EGFR: variants seen among roughly 807,000 people sequenced by gnomAD.
EGFR encodes the protein epidermal growth factor receptor.
EGFR carries 58 observed loss-of-function variants against 143.0 expected under a neutral mutation model. The ratio of observed to expected loss-of-function variants is 0.41; its 90% CI spans 0.33 to 0.50. The LOEUF is 0.50. Ranked by LOEUF, EGFR falls within the 20% of genes least tolerant of loss-of-function variation. The pLI is 0.39. For missense variants in EGFR, 1,307 were observed against 1,579.0 expected (o/e 0.83, Z 2.92); for synonymous variants, 613 against 594.4 (o/e 1.03, Z -0.45).
At chr7:55,158,685 T>G (rs1461300026) in intron 11 of EGFR, among the ~76,000 whole-genome samples, 1 of 152,204 alleles carries the variant, frequency 6.6e-6, no homozygotes, top group Non-Finnish European at 1.5e-5. Context: ...CTTTTCACAT[T>G]TAATGAGAAG....
In EGFR at chr7:55,060,200, C is replaced by A. The variant is rs552937488; in HGVS notation, c.88+40835C>A. On this transcript the variant is annotated intron_variant, in intron 1 of 27. Coordinates refer to ENST00000275493, the MANE Select transcript of EGFR (RefSeq NM_005228.5). ...GTACAGTTTTATATGCATTTAACTG[C>A]CAAATTGTCATGTGAGATTATATGG... 4.7e-3 allele frequency among the ~76,000 whole-genome samples: 720 copies of A among 152,338 alleles called. 2 individuals carry two copies. The highest frequency in any genetic ancestry group is 8.6e-3 in the Non-Finnish European group (586 of 68,036).
chr7:55,143,490 TGA>T lies in EGFR; in HGVS notation c.424+6_424+7del, dbSNP rs764128212. 6.2e-7 allele frequency: 1 copy of T among 1,614,114 alleles called. No individual in the cohort carries two copies. The highest frequency in any genetic ancestry group is 1.1e-5 in the South Asian group (1 of 91,080). ...AGCTGCCCATGAGAAATTTACAGGG[TGA>T]GAGGCTGGGATGCCAAGGCTGGGGG... On this transcript the variant is annotated splice_donor_region_variant and intron_variant, in intron 3 of 27. Transcript: ENST00000275493.
intron 1 of EGFR, among the ~76,000 whole-genome samples, chr7:55,101,015 G>A (rs1431737794): frequency 6.6e-6 from 1 of 152,204 alleles, no homozygotes; most frequent in Non-Finnish European, 1.5e-5. Context: ...TTCTCCTCGT[G>A]CTGGCCTTGG....
chr7:55,095,858 G>A (rs922371151), intron 1 of EGFR, among the ~76,000 whole-genome samples: 2 of 148,938 alleles, frequency 1.3e-5, no homozygotes, highest in African/African-American at 5.0e-5. Context: ...CAGACACACA[G>A]AGACATACCT....
At chr7:55,036,275 G>T (rs865799978) in intron 1 of EGFR, among the ~76,000 whole-genome samples, 1,389 of 93,970 alleles carry the variant, frequency 0.015, 127 homozygotes, top group African/African-American at 0.051. Context: ...TGTGTGTGGG[G>T]GGGGGGGGGT....
At chr7:55,125,415 GAGA>G (rs34828355) in intron 1 of EGFR, among the ~76,000 whole-genome samples, 73,475 of 151,802 alleles carry the variant, frequency 0.48, 18,487 homozygotes, top group East Asian at 0.69. Flanking sequence ...ATCTCAGTTA[GAGA>G]AGAAGAGTCA....
At chr7:55,122,292 C>A (rs1309273584) in intron 1 of EGFR, among the ~76,000 whole-genome samples, 1 of 152,216 alleles carries the variant, frequency 6.6e-6, no homozygotes, top group Non-Finnish European at 1.5e-5. Context: ...GTCTCACTCC[C>A]TCTTTTTGTC....
intron 1 of EGFR, among the ~76,000 whole-genome samples, chr7:55,095,651 C>T (rs1391411488): frequency 6.6e-6 from 1 of 152,024 alleles, no homozygotes; most frequent in Non-Finnish European, 1.5e-5. Context: ...CACAGAGTTA[C>T]ACACAGACAT....
intron 1 of EGFR, among the ~76,000 whole-genome samples, chr7:55,054,033 A>G (rs1390854065): frequency 6.7e-6 from 1 of 148,556 alleles, no homozygotes; most frequent in Non-Finnish European, 1.5e-5. Flanking sequence ...AATATTTTCC[A>G]TGTGTGTTAA....
At chr7:55,077,562 C>T (rs973286849) in intron 1 of EGFR, among the ~76,000 whole-genome samples, 2 of 152,136 alleles carry the variant, frequency 1.3e-5, no homozygotes, top group African/African-American at 4.8e-5. Context: ...GGTCTAATTC[C>T]TTCCAGCATG....
At chr7:55,117,293 G>A (rs1167473254) in intron 1 of EGFR, among the ~76,000 whole-genome samples, 3 of 152,126 alleles carry the variant, frequency 2.0e-5, no homozygotes, top group Non-Finnish European at 4.4e-5. Context: ...TTTTTAGATC[G>A]GTAAAAGTTT....
intron 1 of EGFR, among the ~76,000 whole-genome samples, chr7:55,019,657 T>C (rs1410109367): frequency 6.6e-6 from 1 of 152,048 alleles, no homozygotes; most frequent in Non-Finnish European, 1.5e-5. Context: ...CGCTCCCAAC[T>C]TTCTTCCCTC....
intron 4 of EGFR, among the ~76,000 whole-genome samples, chr7:55,148,103 C>T (rs1341673498): frequency 6.6e-6 from 1 of 152,114 alleles, no homozygotes; most frequent in African/African-American, 2.4e-5. Flanking sequence ...GGTATTGAGG[C>T]TCTTTGTTTT....
chr7:55,144,217 G>T (rs910853220), intron 3 of EGFR, among the ~76,000 whole-genome samples: 3 of 152,160 alleles, frequency 2.0e-5, no homozygotes, highest in Admixed American at 6.5e-5. Flanking sequence ...CCCCGCCGAG[G>T]GTGAAGGCGT....
intron 1 of EGFR, among the ~76,000 whole-genome samples, chr7:55,066,052 A>C: frequency 6.6e-6 from 1 of 152,144 alleles, no homozygotes. Context: ...CTACGTGATG[A>C]AAGTACCATG....
intron 1 of EGFR, among the ~76,000 whole-genome samples, chr7:55,094,437 C>T (rs978359489): frequency 6.6e-6 from 1 of 152,226 alleles, no homozygotes; most frequent in African/African-American, 2.4e-5. Flanking sequence ...TGTCAGGAGA[C>T]GCAGTTGCCC....
At chr7:55,104,077 G>T (rs1791979873) in intron 1 of EGFR, among the ~76,000 whole-genome samples, 2 of 152,214 alleles carry the variant, frequency 1.3e-5, no homozygotes, top group South Asian at 4.1e-4. Context: ...GCGTGTGCCT[G>T]TTTTGTCTAG....
intron 15 of EGFR, among the ~76,000 whole-genome samples, chr7:55,169,657 G>A (rs1448518778): frequency 6.6e-6 from 1 of 152,026 alleles, no homozygotes; most frequent in Non-Finnish European, 1.5e-5. Context: ...ATACTCAATA[G>A]TCATTTCTGC....
intron 1 of EGFR, among the ~76,000 whole-genome samples, chr7:55,028,256 G>A (rs2128861071): frequency 6.6e-6 from 1 of 151,994 alleles, no homozygotes; most frequent in Non-Finnish European, 1.5e-5. Context: ...CTTTACTCCA[G>A]GTTTTGGATA....
Sources: gnomAD v4.1 joint callset for allele counts (sites outside exome capture counted in the v4.1 genomes callset) on GRCh38, gnomAD v4.1.1 for gene constraint, MANE v1.5 for transcripts, NCBI Gene and HGNC (gene_info 2026-07-23, HGNC 2026-07-21) for gene names.